IL7: variants seen among roughly 807,000 people sequenced by gnomAD.
The protein encoded by IL7 is interleukin 7.
A neutral mutation model predicts 21.6 loss-of-function variants in IL7; 3 were observed. That is an observed-to-expected ratio of 0.14 (90% confidence interval 0.06 to 0.36). The LOEUF is 0.36. Ranked by LOEUF, IL7 falls within the 10% of genes least tolerant of loss-of-function variation. IL7 has a pLI of 1.00. For synonymous variants in IL7, 62 were observed against 68.1 expected, an observed-to-expected ratio of 0.91 and a Z score of 0.44; for missense variants, 175 against 200.2, an observed-to-expected ratio of 0.87 and a Z score of 0.76.
intron 3 of IL7, among the ~76,000 whole-genome samples, chr8:78,687,046 C>T (rs530413573): frequency 1.2e-4 from 19 of 152,058 alleles, no homozygotes; most frequent in African/African-American, 2.9e-4. Flanking sequence ...TCATGTGGCT[C>T]GACTACATTT....
At chr8:78,689,726 G>A (rs1437409108) in intron 3 of IL7, among the ~76,000 whole-genome samples, 3 of 152,008 alleles carry the variant, frequency 2.0e-5, no homozygotes, top group East Asian at 1.9e-4. Context: ...TTTCTCAGAT[G>A]TATATTAAGA....
intron 4 of IL7, 56 bp downstream of exon 4, chr8:78,738,448 A>G (rs918357395): frequency 2.8e-6 from 4 of 1,436,720 alleles, no homozygotes; most frequent in Admixed American, 1.8e-5. Flanking sequence ...GAATAGTGGT[A>G]TCTTGGCACA....
At chr8:78,677,024 G>A (rs1411810458) in intron 4 of IL7, among the ~76,000 whole-genome samples, 1 of 151,960 alleles carries the variant, frequency 6.6e-6, no homozygotes, top group Non-Finnish European at 1.5e-5. Context: ...TAATTACAGT[G>A]CTTGGTTGTT....
chr8:78,776,338 T>G lies in IL7; in HGVS notation c.147+21734A>C, dbSNP rs1813138608. ...CCTTGGATGGGATAGAGTGAGACAG[T>G]GCAAGATTTCATCATGCTACTCAGA... On this transcript the variant is annotated intron_variant, in intron 2 of 5. Coordinates refer to ENST00000263851, the MANE Select transcript of IL7 (RefSeq NM_000880.4). 1.3e-5 allele frequency among the ~76,000 whole-genome samples: 2 copies of G among 152,124 alleles called. 1 individual carries two copies. The highest frequency in any genetic ancestry group is 4.1e-4 in the South Asian group (2 of 4,836).
intron 2 of IL7, among the ~76,000 whole-genome samples, chr8:78,756,109 T>C (rs1812337414): frequency 6.6e-6 from 1 of 152,106 alleles, no homozygotes; most frequent in Non-Finnish European, 1.5e-5. Flanking sequence ...TGTTCTTCAC[T>C]CTTTTGAAGT....
intron 2 of IL7, among the ~76,000 whole-genome samples, chr8:78,790,763 A>C (rs1813661315): frequency 1.3e-5 from 2 of 152,154 alleles, no homozygotes; most frequent in East Asian, 3.9e-4. Flanking sequence ...AGAAGGGTAA[A>C]ACCTATATTC....
intron 2 of IL7, chr8:78,760,634 T>C (rs1187523210): frequency 7.0e-6 from 11 of 1,581,146 alleles, no homozygotes; most frequent in Admixed American, 1.8e-5. Context: ...AGCTTTGAGG[T>C]GCTGTTCTGA....
chr8:78,772,545 C>G (rs957703542), intron 2 of IL7, among the ~76,000 whole-genome samples: 2 of 152,116 alleles, frequency 1.3e-5, no homozygotes, highest in African/African-American at 4.8e-5. Flanking sequence ...TTAAATGGCA[C>G]AGTAAGTCCT....
At chr8:78,745,623 C>T (rs1161260350) in intron 2 of IL7, among the ~76,000 whole-genome samples, 1 of 152,088 alleles carries the variant, frequency 6.6e-6, no homozygotes, top group Non-Finnish European at 1.5e-5. Context: ...TTTGCTAGTA[C>T]CAGTGCATAA....
rs140011313 is a variant in IL7, at chr8:78,779,160, T to C, written c.147+18912A>G. 5.0e-3 allele frequency among the ~76,000 whole-genome samples: 760 copies of C among 152,312 alleles called. 10 individuals carry two copies. Among genetic ancestry groups the C allele is most frequent in the African/African-American group, 0.018 (734 of 41,586 alleles). Reference sequence around the variant, plus strand: ...GCTTTTGGGCTGAGACAATGGGGTTTTCTAGATATAAAATCACATCATCGG... The same window carrying C: ...GCTTTTGGGCTGAGACAATGGGGTTCTCTAGATATAAAATCACATCATCGG... On this transcript the variant is annotated intron_variant, in intron 2 of 5. Transcript: ENST00000263851.
At chr8:78,742,488 G>A (rs943139057) in intron 2 of IL7, among the ~76,000 whole-genome samples, 16 of 151,950 alleles carry the variant, frequency 1.1e-4, no homozygotes, top group African/African-American at 3.9e-4. Flanking sequence ...ACATGACATT[G>A]GCTAAGTTCT....
At chr8:78,783,974 T>C (rs546232398) in intron 2 of IL7, among the ~76,000 whole-genome samples, 2 of 152,150 alleles carry the variant, frequency 1.3e-5, no homozygotes, top group South Asian at 4.1e-4. Context: ...AGTAAATATA[T>C]GAGTAGCACA....
chr8:78,682,807 G>A lies in IL7; in HGVS notation n.273+3082C>T, dbSNP rs1809832365. Among the ~76,000 whole-genome samples the A allele has an allele frequency of 2.0e-5, 3 of 152,148 alleles. No individual in the cohort carries two copies. The South Asian group carries it at 6.2e-4, about 31-fold the overall frequency. On this transcript the variant is annotated intron_variant and non_coding_transcript_variant, in intron 4 of 4. Transcript: ENST00000523959. The stretch of plus-strand genomic sequence containing the variant: ...GACAAGGCAAGTTTCTTCTGCCTGT[G>A]AGTCTCTAAAATCAAAAACAAGTTA...
At chr8:78,714,393 C>CA (rs1402748502), downstream of IL7, among the ~76,000 whole-genome samples, 1 of 152,100 alleles carries the variant, frequency 6.6e-6, no homozygotes, top group African/African-American at 2.4e-5. Context: ...ATAGTGGCAA[C>CA]AACAGTAGTA....
Position 78,805,105 on chromosome 8 carries a change from G to A in IL7, c.-183C>T, listed in dbSNP as rs899883729. ...CGACTGCAGTTTCATCCATCCCAAG[G>A]GGGGCGGCACACACTACGGCGTGGC... On this transcript the variant is annotated 5_prime_UTR_variant, in exon 1 of 6. Transcript: ENST00000263851. The A allele has an allele frequency of 1.7e-6, 1 of 598,274 alleles. No homozygotes were observed. The highest frequency in any genetic ancestry group is 3.0e-6 in the Non-Finnish European group (1 of 336,092). 37.1% of individuals were successfully genotyped at this position (598,274 alleles called of 1,614,324 possible).
intron 3 of IL7, chr8:78,697,444 G>A: frequency 6.2e-7 from 1 of 1,609,110 alleles, no homozygotes; most frequent in Non-Finnish European, 8.5e-7. Flanking sequence ...AATTCTCCTG[G>A]AACTGCATCA....
At chr8:78,699,971 G>T (rs1458145279) in intron 3 of IL7, among the ~76,000 whole-genome samples, 1 of 152,020 alleles carries the variant, frequency 6.6e-6, no homozygotes, top group Non-Finnish European at 1.5e-5. Flanking sequence ...ATTCTTCTGG[G>T]TATATACTCA....
At chr8:78,752,268 T>A (rs553777024) in intron 2 of IL7, among the ~76,000 whole-genome samples, 3 of 152,322 alleles carry the variant, frequency 2.0e-5, no homozygotes, top group East Asian at 3.9e-4. Flanking sequence ...TAGACTGATT[T>A]CCTTTCCTTT....
chr8:78,675,997 G>A (rs538054253), exon 5 of IL7: 18 of 610,118 alleles, frequency 3.0e-5, no homozygotes, highest in African/African-American at 2.3e-4. Context: ...TTGTTCAAGG[G>A]TCTTGATTTC....
Sources: gnomAD v4.1 joint callset for allele counts (sites outside exome capture counted in the v4.1 genomes callset) on GRCh38, gnomAD v4.1.1 for gene constraint, MANE v1.5 for transcripts, NCBI Gene and HGNC (gene_info 2026-07-23, HGNC 2026-07-21) for gene names.